Variants in YAE1 observed in about 807,000 individuals in gnomAD.
YAE1 encodes protein YAE1 homolog.
A neutral mutation model predicts 23.0 loss-of-function variants in YAE1; 22 were observed. That is an observed-to-expected ratio of 0.96 (90% confidence interval 0.68 to 1.37). The LOEUF (loss-of-function observed/expected upper bound fraction) is 1.37. YAE1 is among the 40% of genes most tolerant of loss of function. The pLI is 0.00. For missense variants in YAE1, 260 were observed against 262.1 expected, an observed-to-expected ratio of 0.99 and a Z score of 0.06; for synonymous variants, 101 against 97.0, an observed-to-expected ratio of 1.04 and a Z score of -0.24.
intron 2 of YAE1, among the ~76,000 whole-genome samples, chr7:39,607,637 A>G (rs1791149169): frequency 6.6e-6 from 1 of 152,218 alleles, no homozygotes; most frequent in East Asian, 1.9e-4. Context: ...CACGGCAGCA[A>G]TAGAAAACTA....
intron 2 of YAE1, among the ~76,000 whole-genome samples, chr7:39,597,171 A>G (rs11976079): frequency 0.028 from 4,315 of 152,358 alleles, 208 homozygotes; most frequent in African/African-American, 0.096. Context: ...TTAGAAATGT[A>G]AAAGAAAATA....
rs115683272 is a variant in YAE1, at chr7:39,593,037, T to C, written c.252-16580T>C. Among the ~76,000 whole-genome samples, 197 of 152,234 alleles carry C rather than the reference T, an allele frequency of 1.3e-3. 1 individual carries two copies. Among genetic ancestry groups the C allele is most frequent in the African/African-American group, 4.7e-3 (194 of 41,556 alleles). On this transcript the variant is annotated intron_variant, in intron 2 of 2. Transcript: ENST00000432096. ...GGCTTTCTTCTCTGTTTTTTTCAGA[T>C]TGGATAATTTCTATTGATCTATTTT...
In YAE1 at chr7:39,570,520, T is replaced by C; in HGVS notation, c.144T>C (p.Asp48=). Residue 48 remains aspartate (D), a synonymous_variant, in exon 2 of 3, where the codon GAT becomes GAC. Transcript: ENST00000223273. Reference sequence around the variant, plus strand: ...CTTATTTTTAGGAAGGTTATAGAGATGGAATAGATGCTGGCAAAGCAGTTA... The same window carrying C: ...CTTATTTTTAGGAAGGTTATAGAGACGGAATAGATGCTGGCAAAGCAGTTA... ...MQRRVKEGYR[D]GIDAGKAVTL... The C allele has an allele frequency of 6.2e-7, 1 of 1,612,278 alleles. No individual in the cohort carries two copies. Among genetic ancestry groups the C allele is most frequent in the Non-Finnish European group, 8.5e-7 (1 of 1,179,692 alleles).
At chr7:39,589,792 A>G (rs1233451052) in intron 2 of YAE1, among the ~76,000 whole-genome samples, 1 of 152,214 alleles carries the variant, frequency 6.6e-6, no homozygotes, top group Non-Finnish European at 1.5e-5. Flanking sequence ...AATTCCAGGA[A>G]TGCAGCTGCA....
chr7:39,577,858 C>T (rs1315990409), downstream of YAE1, among the ~76,000 whole-genome samples: 3 of 152,250 alleles, frequency 2.0e-5, no homozygotes, highest in African/African-American at 7.2e-5. Flanking sequence ...GCCAGCTGGG[C>T]TCGTGAGTCT....
intron 2 of YAE1, among the ~76,000 whole-genome samples, chr7:39,594,213 G>A (rs1377924259): frequency 6.6e-6 from 1 of 152,170 alleles, no homozygotes; most frequent in Non-Finnish European, 1.5e-5. Context: ...GCAGGAATCA[G>A]CCAGATTTCC....
chr7:39,583,700 A>G (rs1466794687), intron 2 of YAE1, among the ~76,000 whole-genome samples: 1 of 152,194 alleles, frequency 6.6e-6, no homozygotes, highest in Non-Finnish European at 1.5e-5. Context: ...CCAAATGTGT[A>G]AGATCTATAA....
intron 2 of YAE1, among the ~76,000 whole-genome samples, chr7:39,594,756 G>A (rs956782274): frequency 2.0e-5 from 3 of 151,998 alleles, no homozygotes; most frequent in Admixed American, 6.6e-5. Flanking sequence ...CACCATGCCT[G>A]GCTAATTTTT....
chr7:39,580,110 G>T (rs1257260088), intron 2 of YAE1, among the ~76,000 whole-genome samples: 11 of 152,302 alleles, frequency 7.2e-5, no homozygotes, highest in South Asian at 4.1e-4. Flanking sequence ...AGATTTGTTT[G>T]CTATACATGT....
chr7:39,567,859 T>C (rs1393342944), intron 1 of YAE1, among the ~76,000 whole-genome samples: 1 of 152,200 alleles, frequency 6.6e-6, no homozygotes. Context: ...GGTCAGTTGA[T>C]TCATTGTATT....
chr7:39,611,166 T>C (rs1298517155), downstream of YAE1, among the ~76,000 whole-genome samples: 1 of 148,560 alleles, frequency 6.7e-6, no homozygotes, highest in East Asian at 2.0e-4. Flanking sequence ...AAAAAAAAAG[T>C]GAAGATGGCC....
chr7:39,587,200 G>T (rs187114301), intron 2 of YAE1, among the ~76,000 whole-genome samples: 1 of 151,830 alleles, frequency 6.6e-6, no homozygotes, highest in Non-Finnish European at 1.5e-5. Flanking sequence ...GTTATTACAG[G>T]CATGCACCAT....
chr7:39,610,190 A>G (rs934254958), exon 3 of YAE1: 1 of 644,132 alleles, frequency 1.6e-6, no homozygotes, highest in Non-Finnish European at 2.7e-6. Context: ...TCAATACCAA[A>G]CTAGCAGAGC....
chr7:39,603,710 T>G (rs1299656229), intron 2 of YAE1, among the ~76,000 whole-genome samples: 2 of 152,226 alleles, frequency 1.3e-5, no homozygotes. Flanking sequence ...TCCCTCAGTC[T>G]GAATCTTCAA....
At chr7:39,593,173 A>ATTTATTTTTTTTT (rs1790924411) in intron 2 of YAE1, among the ~76,000 whole-genome samples, 1 of 40,066 alleles carries the variant, frequency 2.5e-5, no homozygotes, top group Non-Finnish European at 4.9e-5. Context: ...CCATTTGGTT[A>ATTTATTTTTTTTT]TTTCTTTTTT....
At chr7:39,586,890 A>T (rs80215309) in intron 2 of YAE1, among the ~76,000 whole-genome samples, 5,757 of 152,218 alleles carry the variant, frequency 0.038, 352 homozygotes, top group African/African-American at 0.13. Flanking sequence ...TACAGATGAG[A>T]TGATAGACGT....
chr7:39,581,320 A>G lies in YAE1; in HGVS notation c.251+10693A>G, dbSNP rs10263575. 3.2e-3 allele frequency among the ~76,000 whole-genome samples: 489 copies of G among 152,342 alleles called. 3 individuals carry two copies. Among genetic ancestry groups the G allele is most frequent in the African/African-American group, 0.011 (470 of 41,570 alleles). ...ATATATGGTTCTAGATAGATTTTTA[A>G]ACACAAAACAAATGAGTTGTCAAAT... On this transcript the variant is annotated intron_variant, in intron 2 of 2. Transcript: ENST00000432096.
chr7:39,582,353 A>G (rs552412948), intron 2 of YAE1, among the ~76,000 whole-genome samples: 176 of 152,308 alleles, frequency 1.2e-3, no homozygotes, highest in African/African-American at 4.0e-3. Context: ...TTAGTTAAAA[A>G]TAGTTATTTT....
Position 39,605,612 on chromosome 7 carries a change from G to A in YAE1, c.252-4005G>A, listed in dbSNP as rs1791118640. 2.0e-5 allele frequency among the ~76,000 whole-genome samples: 3 copies of A among 152,126 alleles called. No individual in the cohort carries two copies. The South Asian group carries it at 6.2e-4, about 32-fold the overall frequency. On this transcript the variant is annotated intron_variant, in intron 2 of 2. Coordinates refer to the YAE1 transcript ENST00000432096. ...GGAACTTACACCATCAGCTCTCCTG[G>A]TTCTCAGGCTCTCAGGCTCAGACAA...
Sources: allele counts gnomAD v4.1 joint callset (sites outside exome capture counted in the v4.1 genomes callset), GRCh38; gene constraint gnomAD v4.1.1; transcripts MANE v1.5; gene names NCBI Gene and HGNC (gene_info 2026-07-23, HGNC 2026-07-21).